The following PPAN variants were observed in gnomAD, a reference collection of about 807,000 sequenced individuals.
The protein encoded by PPAN is suppressor of SWI4 1 homolog.
Under a neutral mutation model 48.5 loss-of-function variants are expected in PPAN, and 39 were observed. The observed-to-expected ratio is 0.80, with a 90% confidence interval of 0.62 to 1.05. The LOEUF is 1.05. Among genes scored for constraint, PPAN ranks in the 50% least tolerant of loss-of-function variants. The probability of loss-of-function intolerance (pLI) is 0.00; values close to 1 mark genes in which losing one functional copy is unlikely to be tolerated. For synonymous variants in PPAN, 315 were observed against 268.6 expected (o/e 1.17, Z -1.69); for missense variants, 736 against 661.7 (o/e 1.11, Z -1.23).
chr19:10,106,684 C>A lies in PPAN; in HGVS notation c.189+13C>A. 3 of 1,516,470 alleles carry A rather than the reference C, an allele frequency of 2.0e-6. No homozygotes were observed. Among genetic ancestry groups the A allele is most frequent in the Non-Finnish European group, 2.7e-6 (3 of 1,126,248 alleles). The allele number at this position is 1,516,470 out of a possible 1,614,324, so 93.9% of individuals were successfully genotyped here. A position where few individuals can be genotyped will look rare whatever the true frequency, so the allele number is the denominator to read the frequency against. ...CAGCCGTCTGCAGGTTTGTACCCCA[C>A]CCCCAGCCCGCCTCCACCCACCCTC... On this transcript the variant is annotated intron_variant, in intron 2 of 11. Transcript: ENST00000253107.
In PPAN at chr19:10,110,156, T is replaced by G; in HGVS notation, c.732T>G (p.Pro244=). ...GGCTGTCGGAGAGCGAGGCAGAGCC[T>G]GACGGCGACCACAACATCACAGAGC... ...GAGLSESEAE[P]DGDHNITELP... Residue 244 remains proline, a synonymous_variant, in exon 8 of 12, where the codon CCT becomes CCG. Transcript: ENST00000253107. This position sits in a 1 kb window ranked among gnomAD's most constrained non-coding sequence, Gnocchi z 5.9. 6.2e-7 allele frequency: 1 copy of G among 1,610,268 alleles called. No homozygotes were observed. The highest frequency in any genetic ancestry group is 8.5e-7 in the Non-Finnish European group (1 of 1,179,924).
upstream of PPAN, chr19:10,106,341 C>G: frequency 6.5e-7 from 1 of 1,547,976 alleles, no homozygotes; most frequent in Non-Finnish European, 8.7e-7. Context: ...CGGAAGTGAG[C>G]TGCGCAGCGC....
In PPAN at chr19:10,107,489, T is replaced by C. The variant is rs1192140356; in HGVS notation, c.190-16T>C. 13 of 1,612,230 alleles carry C rather than the reference T, an allele frequency of 8.1e-6. No individual in the cohort carries two copies. The highest frequency in any genetic ancestry group is 9.3e-6 in the Non-Finnish European group (11 of 1,179,928). ...GGATAAGCTATGTTTTCTTTTTTTC[T>C]TTTTGTCATTTCCAGGTTCGTAAGA... On this transcript the variant is annotated splice_polypyrimidine_tract_variant and intron_variant, in intron 2 of 11. Coordinates refer to ENST00000253107, the MANE Select transcript of PPAN (RefSeq NM_020230.7).
Position 10,107,982 on chromosome 19 carries a change from G to A in PPAN, c.361G>A (p.Val121Met), listed in dbSNP as rs2088894131. The A allele has an allele frequency of 6.2e-7, 1 of 1,608,956 alleles. No homozygotes were observed. Among genetic ancestry groups the A allele is most frequent in the Non-Finnish European group, 8.5e-7 (1 of 1,177,044 alleles). The change falls in exon 5 of 12, where the codon GTG becomes ATG. Residue 121 changes from valine to methionine, a missense_variant. Transcript: ENST00000253107. ...CCTACAGTACTCGCTGGTGCGTGAT[G>A]TGGTCTCCTCACTGCGCCGGCACCG... The part of the protein sequence containing the change: ...QVKKYSLVRD[V>M]VSSLRRHRMH...
At chr19:10,109,292 G>T (rs1001462745) in intron 5 of PPAN, among the ~76,000 whole-genome samples, 1 of 151,734 alleles carries the variant, frequency 6.6e-6, no homozygotes, top group African/African-American at 2.4e-5. Flanking sequence ...CGGGGTCTCC[G>T]TACGTTGGTC....
rs2088828253 is a variant in PPAN, at chr19:10,106,542, C to G, written c.60C>G (p.Arg20=). 3 of 1,553,946 alleles carry G rather than the reference C, an allele frequency of 1.9e-6. No individual in the cohort carries two copies. Among genetic ancestry groups the G allele is most frequent in the Non-Finnish European group, 2.6e-6 (3 of 1,148,984 alleles). The change falls in exon 2 of 12, where the codon CGC becomes CGG. Residue 20 remains arginine, a synonymous_variant. Transcript: ENST00000253107. ...QKRARAQAQL[R]NLEAYAANPH... ...GCGCCCGCGCCCAGGCGCAGCTCCGCAACCTCGAGGCCTATGCCGCGAACC... is the reference window on the plus strand; with the variant it reads ...GCGCCCGCGCCCAGGCGCAGCTCCGGAACCTCGAGGCCTATGCCGCGAACC...
Position 10,111,590 on chromosome 19 carries a change from A to G in PPAN, c.*425A>G. On this transcript the variant is annotated 3_prime_UTR_variant, in exon 12 of 12. Coordinates refer to ENST00000253107, the MANE Select transcript of PPAN (RefSeq NM_020230.7). ...AGGAAGGAAACGTGGGTGGAAAGGC[A>G]CGCTGGCCTGCTCTGCTGGCTGGGC... 1 of 1,150,036 alleles carries G rather than the reference A, an allele frequency of 8.7e-7. No individual in the cohort carries two copies. Among genetic ancestry groups the G allele is most frequent in the Non-Finnish European group, 1.3e-6 (1 of 777,486 alleles). The allele number at this position is 1,150,036 out of a possible 1,614,324, so 71.2% of individuals were successfully genotyped here.
chr19:10,110,494 C>A lies in PPAN; in HGVS notation c.911C>A (p.Thr304Lys). 1 of 1,612,340 alleles carries A rather than the reference C, an allele frequency of 6.2e-7. No homozygotes were observed. Among genetic ancestry groups the A allele is most frequent in the Non-Finnish European group, 8.5e-7 (1 of 1,179,700 alleles). ...KVMFHSFVSK[T>K]EEELQAILEA... ...GCGTCTCTTGGCTCAGTGAGCAAGA[C>A]GGAGGAGGAGCTGCAGGCCATCCTG... Residue 304 changes from threonine (T) to lysine (K), a missense_variant, in exon 10 of 12, where the codon ACG (threonine) becomes AAG (lysine). By Grantham distance (78) the Thr-to-Lys change is moderately conservative. Transcript: ENST00000253107. This position sits in a 1 kb window ranked among gnomAD's most constrained non-coding sequence, Gnocchi z 5.9.
intron 3 of PPAN, 73 bp from the exon 4 acceptor site, chr19:10,107,731 T>G (rs763511092): frequency 4.2e-5 from 67 of 1,610,630 alleles, no homozygotes; most frequent in Admixed American, 8.4e-5. Flanking sequence ...GAAGAAGAGA[T>G]GGGGCAAAGG....
Position 10,107,613 on chromosome 19 carries a change from A to G in PPAN, c.291+7A>G, listed in dbSNP as rs776693284. The G allele has an allele frequency of 1.2e-6, 2 of 1,614,004 alleles. No homozygotes were observed. Among genetic ancestry groups the G allele is most frequent in the Admixed American group, 3.3e-5 (2 of 60,006 alleles). ...AGAGACCAATGTCTACTTTGTGAGT[A>G]GACGCCCTCACCCTTCATCTCCCCC... On this transcript the variant is annotated splice_region_variant and intron_variant, in intron 3 of 11. Transcript: ENST00000253107.
Position 10,111,899 on chromosome 19 carries a change from CAG to C in PPAN, c.*735_*736del, listed in dbSNP as rs1418250708. 6.6e-6 allele frequency among the ~76,000 whole-genome samples: 1 copy of C among 151,962 alleles called. No homozygotes were observed. The highest frequency in any genetic ancestry group is 2.4e-5 in the African/African-American group (1 of 41,366). On this transcript the variant is annotated 3_prime_UTR_variant, in exon 12 of 12. Coordinates refer to ENST00000253107, the MANE Select transcript of PPAN (RefSeq NM_020230.7). Reference sequence around the variant, plus strand: ...GGTCGAGGGGGGTGGAACACGAGGTCAGGGGTTCGAGACCACCCTGACCAACA... The same window carrying C: ...GGTCGAGGGGGGTGGAACACGAGGTCGGGTTCGAGACCACCCTGACCAACA...
At position 10,111,209 on chromosome 19, in the gene PPAN, T is replaced by C. The variant is rs549862410; in HGVS notation, c.*44T>C. On this transcript the variant is annotated 3_prime_UTR_variant, in exon 12 of 12. Coordinates refer to ENST00000253107, the MANE Select transcript of PPAN (RefSeq NM_020230.7). ...CAGCGGCTGGATTGAACGCCCCAGA[T>C]TGGGGCCCGAGATGTGGCCCTCGGT... The C allele has an allele frequency of 2.1e-5, 32 of 1,488,532 alleles. No individual in the cohort carries two copies. Among genetic ancestry groups the C allele is most frequent in the African/African-American group, 9.9e-5 (7 of 70,828 alleles). The allele number at this position is 1,488,532 out of a possible 1,614,324, so 92.2% of individuals were successfully genotyped here. A position where few individuals can be genotyped will look rare whatever the true frequency, so the allele number is the denominator to read the frequency against.
In PPAN at chr19:10,110,524, C is replaced by T. The variant is rs150642937; in HGVS notation, c.941C>T (p.Ala314Val). The T allele has an allele frequency of 1.7e-5, 28 of 1,612,262 alleles. No homozygotes were observed. The East Asian group carries it at 6.0e-4, about 35-fold the overall frequency. The change falls in exon 10 of 12, where the codon GCC becomes GTC. Residue 314 changes from alanine to valine, a missense_variant. Coordinates refer to ENST00000253107, the MANE Select transcript of PPAN (RefSeq NM_020230.7). This position sits in a 1 kb window ranked among gnomAD's most constrained non-coding sequence, Gnocchi z 5.9. ...TEEELQAILEAKEKKLRLKAQ... is the reference protein window; with the variant it reads ...TEEELQAILEVKEKKLRLKAQ... Reference sequence around the variant, plus strand: ...GAGGAGCTGCAGGCCATCCTGGAAGCCAAGGAGAAGAAGCTGCGGCTGAAG... The same window carrying T: ...GAGGAGCTGCAGGCCATCCTGGAAGTCAAGGAGAAGAAGCTGCGGCTGAAG...
chr19:10,110,305 T>G lies in PPAN; in HGVS notation c.823-19T>G. On this transcript the variant is annotated intron_variant, in intron 8 of 11. Transcript: ENST00000253107. This position sits in a 1 kb window ranked among gnomAD's most constrained non-coding sequence, Gnocchi z 5.9. ...ACCAGTCCCAACGGTGGGCTGACGC[T>G]TCTTCCTCGTCCCCTCAGATCGGCC... is the stretch of plus-strand genomic sequence containing the variant. The G allele has an allele frequency of 1.2e-6, 2 of 1,613,594 alleles. No homozygotes were observed. Among genetic ancestry groups the G allele is most frequent in the Non-Finnish European group, 1.7e-6 (2 of 1,179,910 alleles).
chr19:10,109,884 C>T (rs752185287), intron 6 of PPAN, 29 bp from the exon 7 acceptor site: 2 of 1,612,082 alleles, frequency 1.2e-6, no homozygotes, highest in South Asian at 1.1e-5. Flanking sequence ...CCCTGACCAC[C>T]CCCTTGCCGT....
intron 2 of PPAN, chr19:10,107,005 G>A (rs1482608206): frequency 1.6e-6 from 1 of 615,004 alleles, no homozygotes; most frequent in East Asian, 3.4e-5. Context: ...TGAGCAGCAT[G>A]GTGAAACCCC....
Position 10,110,692 on chromosome 19 carries a change from T to C in PPAN, c.1032-5T>C. ...GGCTATGTTGACCCCCACGCCCTCC[T>C]CCAGAAAGAAGAGCCTGGAGGGCAT... On this transcript the variant is annotated splice_region_variant and splice_polypyrimidine_tract_variant and intron_variant, in intron 10 of 11. Coordinates refer to ENST00000253107, the MANE Select transcript of PPAN (RefSeq NM_020230.7). The surrounding 1 kb of genome is among the most constrained non-coding windows in gnomAD (Gnocchi z 5.9). 6.2e-7 allele frequency: 1 copy of C among 1,613,080 alleles called. No individual in the cohort carries two copies. The highest frequency in any genetic ancestry group is 8.5e-7 in the Non-Finnish European group (1 of 1,179,662).
In PPAN at chr19:10,111,885, G is replaced by A. The variant is rs193199263; in HGVS notation, c.*720G>A. The A allele has an allele frequency of 3.5e-6, 3 of 860,410 alleles. No individual in the cohort carries two copies. Among genetic ancestry groups the A allele is most frequent in the Non-Finnish European group, 5.5e-6 (3 of 541,638 alleles). The allele number at this position is 860,410 out of a possible 1,614,324, so 53.3% of individuals were successfully genotyped here. On this transcript the variant is annotated 3_prime_UTR_variant, in exon 12 of 12. Transcript: ENST00000253107. ...CCAGCACTTTGGGAGGTCGAGGGGG[G>A]TGGAACACGAGGTCAGGGGTTCGAG...
At chr19:10,109,542 C>T in intron 5 of PPAN, 89 bp from the exon 6 acceptor site, 4 of 1,417,630 alleles carry the variant, frequency 2.8e-6, no homozygotes, top group Non-Finnish European at 3.9e-6. Context: ...TGCCACAGTC[C>T]ACGAACAGTG....
Sources: gnomAD v4.1 joint callset for allele counts (sites outside exome capture counted in the v4.1 genomes callset) on GRCh38, gnomAD v4.1.1 for gene constraint, Gnocchi (gnomAD v3.1) non-coding constraint, MANE v1.5 for transcripts, NCBI Gene and HGNC (gene_info 2026-07-23, HGNC 2026-07-21) for gene names.